Variants in RECQL4 observed in about 807,000 individuals in gnomAD.
RECQL4 encodes the protein RecQ like helicase 4, also known as ATP-dependent DNA helicase Q4.
Under a neutral mutation model 128.6 loss-of-function variants are expected in RECQL4, and 158 were observed. The ratio of observed to expected loss-of-function variants is 1.23; its 90% CI spans 1.08 to 1.40. The LOEUF is 1.40. Ranked by LOEUF, RECQL4 falls within the 40% of genes most tolerant of loss-of-function variation. RECQL4 has a pLI of 0.00. For synonymous variants in RECQL4, 996 were observed against 678.9 expected (o/e 1.47, Z -7.26); for missense variants, 2,293 against 1,649.8 (o/e 1.39, Z -6.75).
In RECQL4 at chr8:144,514,517, G is replaced by C. The variant is rs1270153417; in HGVS notation, c.1629C>G (p.Gly543=). 2 of 1,611,066 alleles carry C rather than the reference G, an allele frequency of 1.2e-6. No individual in the cohort carries two copies. Among genetic ancestry groups the C allele is most frequent in the South Asian group, 1.1e-5 (1 of 90,878 alleles). The change falls in exon 10 of 21, where the codon GGC becomes GGG. Residue 543 remains glycine, a synonymous_variant. Transcript: ENST00000617875. ...LLSLMDDQVS[G]LPPCLKAACI... is the part of the protein sequence containing the mutation. ...AGGCCGCCTTGAGACACGGTGGCAG[G>C]CCAGACACCTGCAAATGCAGGAGCG...
rs1259051495 is a variant in RECQL4, at chr8:144,514,304, C to G, written c.1763G>C (p.Gly588Ala). 1 of 1,610,070 alleles carries G rather than the reference C, an allele frequency of 6.2e-7. No individual in the cohort carries two copies. The highest frequency in any genetic ancestry group is 1.7e-4 in the Middle Eastern group (1 of 6,048). Residue 588 changes from glycine to alanine, a missense_variant, in exon 11 of 21, where the codon GGA becomes GCA. Physicochemically the swap from Gly to Ala is moderately conservative, Grantham distance 60. Coordinates refer to ENST00000617875, the MANE Select transcript of RECQL4 (RefSeq NM_004260.4). ...CAGCTGTGCGGCTGGAGGGAGGCCT[C>G]CCGCCCCCACCAGTGCCTCAGGTGT... ...MLTPEALVGA[G>A]GLPPAAQLPP...
chr8:144,515,050 C>T lies in RECQL4; in HGVS notation c.1506G>A (p.Leu502=), dbSNP rs780993059. The change falls in exon 9 of 21, where the codon CTG becomes CTA. Residue 502 remains leucine, a synonymous_variant. Coordinates refer to ENST00000617875, the MANE Select transcript of RECQL4 (RefSeq NM_004260.4). Reference sequence around the variant, plus strand: ...ACAGGGACTTGCCGGCACCTGTAGGCAGCACCAGCAGCGTGGAGATGCCTG... The same window carrying T: ...ACAGGGACTTGCCGGCACCTGTAGGTAGCACCAGCAGCGTGGAGATGCCTG... ...ILSGISTLLV[L]PTGAGKSLCY... 5.6e-6 allele frequency: 9 copies of T among 1,608,666 alleles called. No homozygotes were observed. Among genetic ancestry groups the T allele is most frequent in the Non-Finnish European group, 6.8e-6 (8 of 1,178,392 alleles).
chr8:144,513,551 C>T lies in RECQL4; in HGVS notation c.2200+20G>A, dbSNP rs1245400290. 3.1e-6 allele frequency: 5 copies of T among 1,610,654 alleles called. No homozygotes were observed. The highest frequency in any genetic ancestry group is 4.2e-6 in the Non-Finnish European group (5 of 1,179,034). On this transcript the variant is annotated intron_variant, in intron 13 of 20. Transcript: ENST00000617875. The stretch of plus-strand genomic sequence containing the variant: ...GCCCAAGGTGGGTCCACGGGGACAC[C>T]AGCTCTGTCCATGCCGCACCTCCAG...
Position 144,511,503 on chromosome 8 carries a change from T to A in RECQL4, c.3555A>T (p.Arg1185Ser), listed in dbSNP as rs1586787396. Residue 1185 changes from arginine (R) to serine (S), a missense_variant, in exon 21 of 21, where the codon AGA (arginine) becomes AGT (serine). Physicochemically the swap from Arg to Ser is moderately radical, Grantham distance 110 (BLOSUM62 -1). Transcript: ENST00000617875. The part of the protein sequence containing the change: ...QVYGQDRRFW[R>S]KYLHLSFHAL... Reference sequence around the variant, plus strand: ...CATGGAAGCTCAGGTGCAGGTATTTTCTCCAGAAGCGTCGGTCCTGCCCGT... The same window carrying A: ...CATGGAAGCTCAGGTGCAGGTATTTACTCCAGAAGCGTCGGTCCTGCCCGT... The A allele has an allele frequency of 3.1e-6, 5 of 1,612,452 alleles. No individual in the cohort carries two copies. The South Asian group carries it at 4.4e-5, about 14-fold the overall frequency.
At position 144,512,293 on chromosome 8, in the gene RECQL4, C is replaced by G. The variant is rs767786765; in HGVS notation, c.3087G>C (p.Glu1029Asp). 1.9e-6 allele frequency: 3 copies of G among 1,612,528 alleles called. No homozygotes were observed. The highest frequency in any genetic ancestry group is 2.5e-6 in the Non-Finnish European group (3 of 1,179,800). The stretch of plus-strand genomic sequence containing the variant: ...GAAGGTGGAAGGCCAGCTCACTGAA[C>G]TCCACAAGCACCCCTGTCCCACGCC... ...GVRRGTGVLV[E>D]FSELAFHLRS... The change falls in exon 18 of 21, where the codon GAG becomes GAC. Residue 1029 changes from glutamate to aspartate, a missense_variant. Coordinates refer to ENST00000617875, the MANE Select transcript of RECQL4 (RefSeq NM_004260.4).
At chr8:144,514,135 G>T in intron 11 of RECQL4, 28 bp from the exon 12 acceptor site, 1 of 1,610,158 alleles carries the variant, frequency 6.2e-7, no homozygotes. Context: ...GTGGTGTGAG[G>T]CCGCCCAGCC....
intron 11 of RECQL4, 31 bp from the exon 12 acceptor site, chr8:144,514,138 GCCCAGCCCAT>G (rs1564798566): frequency 6.2e-7 from 1 of 1,610,320 alleles, no homozygotes; most frequent in South Asian, 1.1e-5. Context: ...GTGTGAGGCC[GCCCAGCCCAT>G]CCCGGCCCTG....
intron 6 of RECQL4, 103 bp downstream of exon 6, chr8:144,515,661 G>A: frequency 2.0e-6 from 3 of 1,491,034 alleles, no homozygotes; most frequent in East Asian, 2.4e-5. Context: ...TGGACCAGGG[G>A]TACCTGGAAG....
Position 144,514,353 on chromosome 8 carries a change from C to T in RECQL4, c.1714G>A (p.Ala572Thr), listed in dbSNP as rs1189301415. Residue 572 changes from alanine (A) to threonine (T), a missense_variant, in exon 11 of 21, where the codon GCC (alanine) becomes ACC (threonine). By Grantham distance (58) the Ala-to-Thr change is moderately conservative. Coordinates refer to ENST00000617875, the MANE Select transcript of RECQL4 (RefSeq NM_004260.4). ...RESVLQKIRAAQVHVLMLTPE... is the reference protein window; with the variant it reads ...RESVLQKIRATQVHVLMLTPE... ...GTCAGCATCAGCACGTGTACCTGGG[C>T]TGCCCGAATCTGAAGGCAGCAAGAT... 5.0e-6 allele frequency: 8 copies of T among 1,600,896 alleles called. No individual in the cohort carries two copies. The highest frequency in any genetic ancestry group is 6.8e-6 in the Non-Finnish European group (8 of 1,171,780).
In RECQL4 at chr8:144,512,208, G is replaced by C. The variant is rs375297971; in HGVS notation, c.3172C>G (p.Arg1058Gly). The change falls in exon 18 of 21, where the codon CGT (arginine) becomes GGT (glycine). Residue 1058 changes from arginine (R) to glycine (G), a missense_variant. Coordinates refer to ENST00000617875, the MANE Select transcript of RECQL4 (RefSeq NM_004260.4). ...GCCTGGCGCTCCCGGGCCTGCACAC[G>C]GCCATAGAGGAAGTCACATATCTGG... is the stretch of plus-strand genomic sequence containing the variant. ...KDQICDFLYGRVQARERQALA... is the reference protein window; with the variant it reads ...KDQICDFLYGGVQARERQALA... 9.4e-5 allele frequency: 151 copies of C among 1,612,324 alleles called. No homozygotes were observed. The African/African-American group carries it at 1.8e-3, about 19-fold the overall frequency.
In RECQL4 at chr8:144,512,914, G is replaced by C. The variant is rs764807343; in HGVS notation, c.2688C>G (p.Val896=). 6.3e-7 allele frequency: 1 copy of C among 1,585,920 alleles called. No homozygotes were observed. Among genetic ancestry groups the C allele is most frequent in the Admixed American group, 1.8e-5 (1 of 55,906 alleles). ...GGAGTGCCCGCTCATGGCCCATGCA[G>C]ACCCTTCTGGGTCCTGGGGCTGCTT... ...SHQAAPGPRR[V]CMGHERALPI... Residue 896 remains valine (V), a synonymous_variant, in exon 15 of 21, where the codon GTC becomes GTG. Coordinates refer to ENST00000617875, the MANE Select transcript of RECQL4 (RefSeq NM_004260.4).
intron 10 of RECQL4, 23 bp downstream of exon 10, chr8:144,514,419 C>T (rs1441272998): frequency 8.7e-6 from 14 of 1,609,700 alleles, no homozygotes; most frequent in Non-Finnish European, 1.1e-5. Flanking sequence ...CCTCCCTCAC[C>T]CCTAGGCCCA....
Position 144,512,139 on chromosome 8 carries a change from C to T in RECQL4, c.3236+5G>A, listed in dbSNP as rs1221165912. 6.2e-7 allele frequency: 1 copy of T among 1,605,592 alleles called. No homozygotes were observed. On this transcript the variant is annotated splice_donor_5th_base_variant and intron_variant, in intron 18 of 20. Transcript: ENST00000617875. ...GGTCCCAGGCCCCGCCCGCCTCCTC[C>T]CAACCTGTGAAAGGCCTGGAAGGTT...
chr8:144,512,850 C>A lies in RECQL4; in HGVS notation c.2752G>T (p.Glu918Ter), dbSNP rs762028333. 2 of 1,604,910 alleles carry A rather than the reference C, an allele frequency of 1.2e-6. No individual in the cohort carries two copies. Among genetic ancestry groups the A allele is most frequent in the East Asian group, 2.2e-5 (1 of 44,550 alleles). The change falls in exon 15 of 21, where the codon GAG (glutamate) becomes TAG (stop). Residue 918 changes from glutamate (E) to a stop codon, truncating the protein, a stop_gained. Coordinates refer to ENST00000617875, the MANE Select transcript of RECQL4 (RefSeq NM_004260.4). LOFTEE classifies it high-confidence loss of function. ...TGGCTTACCCCAGGTTCCTCACCCT[C>A]CTCCGGCATGTCCAAAGCCTGTACG... ...LTVQALDMPE[E>*]AIETLLCYLE...
rs1389647533 is a variant in RECQL4 at position 144,516,247 on chromosome 8, GC to G, written c.871del (p.Ala291LeufsTer2). 1.6e-5 allele frequency: 26 copies of G among 1,612,626 alleles called. No individual in the cohort carries two copies. Among genetic ancestry groups the G allele is most frequent in the Non-Finnish European group, 1.8e-5 (21 of 1,179,754 alleles). On this transcript the variant is annotated frameshift_variant, in exon 5 of 21. Coordinates refer to ENST00000617875, the MANE Select transcript of RECQL4 (RefSeq NM_004260.4). LOFTEE classifies it high-confidence loss of function. Reference protein sequence around the residue: ...QAGPPSEGAGAVAVEEDPPGE... With the variant: ...QAGPPSEGAGXVAVEEDPPGE... Reference sequence around the variant, plus strand: ...TGGAGGGTCTTCCTCAACTGCTACAGCCCCAGCCCCCTCCGATGGGGGTCCA... The same window carrying G: ...TGGAGGGTCTTCCTCAACTGCTACAGCCCAGCCCCCTCCGATGGGGGTCCA...
In RECQL4 at chr8:144,513,621, G is replaced by A. The variant is rs775509164; in HGVS notation, c.2150C>T (p.Ala717Val). The change falls in exon 13 of 21, where the codon GCT becomes GTT. Residue 717 changes from alanine (A) to valine (V), a missense_variant. Transcript: ENST00000617875. ...CNRREDTERI[A>V]ALLRTCLHAA... ...GTGCAGGCAGGTTCGGAGGAGCGCA[G>A]CGATCCGCTCTGTGTCCTCGCGCCG... 1 of 1,602,374 alleles carries A rather than the reference G, an allele frequency of 6.2e-7. No homozygotes were observed. The highest frequency in any genetic ancestry group is 8.5e-7 in the Non-Finnish European group (1 of 1,175,100).
chr8:144,516,701 G>A lies in RECQL4; in HGVS notation c.418C>T (p.Pro140Ser). The change falls in exon 5 of 21, where the codon CCA (proline) becomes TCA (serine). Residue 140 changes from proline (P) to serine (S), a missense_variant. Transcript: ENST00000617875. Reference sequence around the variant, plus strand: ...ACAGGCCCTGTACCTGGGGGCTTTGGGGTGGATGCCTTAGATGAGGCTCTT... The same window carrying A: ...ACAGGCCCTGTACCTGGGGGCTTTGAGGTGGATGCCTTAGATGAGGCTCTT... ...LGRASSKASTPKPPGTGPVPS... is the reference protein window; with the variant it reads ...LGRASSKASTSKPPGTGPVPS... The A allele has an allele frequency of 6.4e-7, 1 of 1,556,060 alleles. No homozygotes were observed. Among genetic ancestry groups the A allele is most frequent in the Non-Finnish European group, 8.7e-7 (1 of 1,152,994 alleles).
At position 144,512,057 on chromosome 8, in the gene RECQL4, G is replaced by T. The variant is rs374434439; in HGVS notation, c.3247C>A (p.Pro1083Thr). ...TGCTCCAGGCAGGGCCCGCAGCTGG[G>T]GAAGGCTACGCTGTGGGGAGGAGCC... Reference protein sequence around the residue: ...TFQAFHSVAFPSCGPCLEQQD... With the variant: ...TFQAFHSVAFTSCGPCLEQQD... The change falls in exon 19 of 21, where the codon CCC becomes ACC. Residue 1083 changes from proline (P) to threonine (T), a missense_variant. Transcript: ENST00000617875. 1 of 1,608,146 alleles carries T rather than the reference G, an allele frequency of 6.2e-7. No homozygotes were observed. Among genetic ancestry groups the T allele is most frequent in the Non-Finnish European group, 8.5e-7 (1 of 1,178,664 alleles).
rs780253117 is a variant in RECQL4 at position 144,512,581 on chromosome 8, G to C, written c.2886-20C>G. The C allele has an allele frequency of 1.5e-5, 24 of 1,612,340 alleles. No homozygotes were observed. The highest frequency in any genetic ancestry group is 1.9e-5 in the Non-Finnish European group (23 of 1,179,600). ...GGACACCTGTGCCCAGGGAAAAAGG[G>C]ACATGTGGCCAACAGCCCTGATTCT... On this transcript the variant is annotated intron_variant, in intron 16 of 20. Transcript: ENST00000617875.
Sources: gnomAD v4.1 joint callset for allele counts on GRCh38, gnomAD v4.1.1 for gene constraint, MANE v1.5 for transcripts, NCBI Gene and HGNC (gene_info 2026-07-23, HGNC 2026-07-21) for gene names.